CTNNA3: variants seen among roughly 807,000 people sequenced by gnomAD.
CTNNA3 encodes catenin alpha 3.
A neutral mutation model predicts 95.7 loss-of-function variants in CTNNA3; 76 were observed. The observed-to-expected ratio is 0.79, with a 90% confidence interval of 0.66 to 0.96. CTNNA3 has a LOEUF of 0.96. Among genes scored for constraint, CTNNA3 ranks in the 40% least tolerant of loss-of-function variants. The probability of loss-of-function intolerance (pLI) is 0.00; values close to 1 mark genes in which losing one functional copy is unlikely to be tolerated. For missense variants in CTNNA3, 1,191 were observed against 1,089.8 expected, an observed-to-expected ratio of 1.09 and a Z score of -1.31; for synonymous variants, 431 against 374.4, an observed-to-expected ratio of 1.15 and a Z score of -1.74.
chr10:66,609,427 C>T (rs1844249517), intron 10 of CTNNA3, among the ~76,000 whole-genome samples: 1 of 148,904 alleles, frequency 6.7e-6, no homozygotes, highest in African/African-American at 2.5e-5. Context: ...AAAAGCAACC[C>T]CATTAAAAAG....
intron 13 of CTNNA3, among the ~76,000 whole-genome samples, chr10:66,104,566 A>G (rs1040243867): frequency 3.9e-5 from 6 of 152,170 alleles, no homozygotes; most frequent in African/African-American, 1.4e-4. Flanking sequence ...CATTGTGCCC[A>G]ATATGTAGCT....
At chr10:67,725,179 CTTTT>C (rs578185088) in intron 1 of CTNNA3, among the ~76,000 whole-genome samples, 1 of 143,362 alleles carries the variant, frequency 7.0e-6, no homozygotes, top group African/African-American at 2.6e-5. Context: ...ATTAATTTAC[CTTTT>C]TTTTTTTTTT....
At position 67,036,716 on chromosome 10, in the gene CTNNA3, T is replaced by C. The variant is rs143858318; in HGVS notation, c.1047+143601A>G. On this transcript the variant is annotated intron_variant, in intron 7 of 17. Coordinates refer to ENST00000433211, the MANE Select transcript of CTNNA3 (RefSeq NM_013266.4). ...AGGATAAATATCGAGGCTGTGCCCA[T>C]TCATTTGTTTATTTATGCAATAAAT... 2.1e-3 allele frequency among the ~76,000 whole-genome samples: 327 copies of C among 152,240 alleles called. 6 individuals are homozygous for C. In the East Asian group the frequency reaches 0.041, roughly 19 times the overall value.
At chr10:66,807,774 T>C (rs904717908) in intron 7 of CTNNA3, among the ~76,000 whole-genome samples, 2 of 152,180 alleles carry the variant, frequency 1.3e-5, no homozygotes, top group African/African-American at 4.8e-5. Context: ...GGCCTGTTTC[T>C]TCCTCAGAAA....
At position 67,108,815 on chromosome 10, in the gene CTNNA3, C is replaced by T. The variant is rs142825657; in HGVS notation, c.1047+71502G>A. Among the ~76,000 whole-genome samples the T allele has an allele frequency of 1.1e-3, 161 of 152,124 alleles. 1 individual carries two copies. The highest frequency in any genetic ancestry group is 3.6e-3 in the African/African-American group (148 of 41,506). ...ATAGTTTCTGAGTCTAGTATTTTCC[C>T]CATATAGCTACTCAGTTTTTTCTAG... On this transcript the variant is annotated intron_variant, in intron 7 of 17. Transcript: ENST00000433211.
chr10:66,137,238 G>A (rs1488304168), intron 13 of CTNNA3, among the ~76,000 whole-genome samples: 1 of 152,124 alleles, frequency 6.6e-6, no homozygotes, highest in Non-Finnish European at 1.5e-5. Flanking sequence ...GCAACGCAAT[G>A]AGGATACAAT....
intron 10 of CTNNA3, among the ~76,000 whole-genome samples, chr10:66,560,526 T>C (rs1842521500): frequency 1.3e-5 from 2 of 152,206 alleles, no homozygotes; most frequent in Middle Eastern, 3.4e-3. Context: ...AGCTACACCA[T>C]TGCTATTGTT....
At chr10:66,056,811 G>A (rs1225442934) in intron 15 of CTNNA3, among the ~76,000 whole-genome samples, 1 of 152,140 alleles carries the variant, frequency 6.6e-6, no homozygotes. Context: ...TGTTGGCAGA[G>A]AGATTAAATG....
intron 10 of CTNNA3, among the ~76,000 whole-genome samples, chr10:66,607,472 CAAAAAAAAAAAA>C (rs574854850): frequency 1.1e-4 from 5 of 45,274 alleles, no homozygotes; most frequent in African/African-American, 2.0e-4. Context: ...CAGAGACAAC[CAAAAAAAAAAAA>C]AAAAAAAAAA....
At chr10:66,511,008 A>T (rs1564501040) in intron 11 of CTNNA3, among the ~76,000 whole-genome samples, 1 of 151,898 alleles carries the variant, frequency 6.6e-6, no homozygotes, top group Non-Finnish European at 1.5e-5. Context: ...TAGTGAATCC[A>T]TCTGGTCTTG....
At chr10:65,990,999 C>CA (rs2078534148) in intron 15 of CTNNA3, among the ~76,000 whole-genome samples, 1 of 152,068 alleles carries the variant, frequency 6.6e-6, no homozygotes, top group Admixed American at 6.6e-5. Flanking sequence ...GTTTTCCCAG[C>CA]ACCATTTATT....
At chr10:67,384,255 T>C (rs1844059325) in intron 5 of CTNNA3, among the ~76,000 whole-genome samples, 1 of 152,212 alleles carries the variant, frequency 6.6e-6, no homozygotes, top group Non-Finnish European at 1.5e-5. Context: ...GCTCCTTTCT[T>C]TCTAGCAACC....
Position 65,976,450 on chromosome 10 carries a change from C to T in CTNNA3, c.2266-9704G>A, listed in dbSNP as rs114821623. Among the ~76,000 whole-genome samples, 1,208 of 152,218 alleles carry T rather than the reference C, an allele frequency of 7.9e-3. 15 individuals carry two copies. The highest frequency in any genetic ancestry group is 0.028 in the African/African-American group (1,144 of 41,544). On this transcript the variant is annotated intron_variant, in intron 16 of 17. Coordinates refer to ENST00000433211, the MANE Select transcript of CTNNA3 (RefSeq NM_013266.4). ...GCCACAGTAGAAAAGCCTATAATTCCATTAAGGAAAGAATGAGTCAAATGA... is the reference window on the plus strand; with the variant it reads ...GCCACAGTAGAAAAGCCTATAATTCTATTAAGGAAAGAATGAGTCAAATGA...
At chr10:66,630,123 A>G (rs897604181) in intron 9 of CTNNA3, among the ~76,000 whole-genome samples, 16 of 152,176 alleles carry the variant, frequency 1.1e-4, no homozygotes, top group African/African-American at 3.4e-4. Context: ...CCTGACACAC[A>G]GTAGACAGTC....
At chr10:67,762,976 G>A (rs1326297160) in intron 1 of CTNNA3, among the ~76,000 whole-genome samples, 2 of 152,054 alleles carry the variant, frequency 1.3e-5, no homozygotes, top group Admixed American at 1.3e-4. Context: ...TTGCTTACTC[G>A]GGGAGCTCGG....
chr10:67,654,460 G>A (rs891683311), intron 1 of CTNNA3, among the ~76,000 whole-genome samples: 1 of 151,422 alleles, frequency 6.6e-6, no homozygotes, highest in African/African-American at 2.4e-5. Context: ...AATTGCCAAA[G>A]AGTTAAGGTG....
intron 5 of CTNNA3, among the ~76,000 whole-genome samples, chr10:67,406,396 CAAAATCTCTGGAACCCAGTT>C (rs776101224): frequency 2.6e-5 from 4 of 151,908 alleles, no homozygotes; most frequent in Admixed American, 6.6e-5. Context: ...TACAACATAC[CAAAATCTCTGGAACCCAGTT>C]AATGCAGTGT....
intron 7 of CTNNA3, among the ~76,000 whole-genome samples, chr10:66,846,049 T>C (rs1843260601): frequency 6.6e-6 from 1 of 151,736 alleles, no homozygotes; most frequent in African/African-American, 2.4e-5. Context: ...AGAGAATCGC[T>C]TGAACCCGGG....
intron 10 of CTNNA3, among the ~76,000 whole-genome samples, chr10:66,611,341 C>T (rs1206032578): frequency 1.3e-5 from 2 of 151,860 alleles, no homozygotes; most frequent in African/African-American, 4.8e-5. Context: ...TTCCAATTAC[C>T]CTGATTTGAT....
Sources: allele counts gnomAD v4.1 joint callset (sites outside exome capture counted in the v4.1 genomes callset), GRCh38; gene constraint gnomAD v4.1.1; transcripts MANE v1.5; gene names NCBI Gene and HGNC (gene_info 2026-07-23, HGNC 2026-07-21).